FAM135B: variants seen among roughly 807,000 people sequenced by gnomAD.
FAM135B encodes protein FAM135B.
FAM135B carries 43 observed loss-of-function variants against 127.7 expected under a neutral mutation model. That is an observed-to-expected ratio of 0.34 (90% confidence interval 0.26 to 0.43). The LOEUF is 0.43. FAM135B is among the 20% of genes least tolerant of loss of function. The probability of loss-of-function intolerance (pLI) is 1.00; values close to 1 mark genes in which losing one functional copy is unlikely to be tolerated. For missense variants in FAM135B, 1,558 were observed against 1,725.6 expected (o/e 0.90, Z 1.72); for synonymous variants, 670 against 665.1 (o/e 1.01, Z -0.11).
chr8:138,241,758 C>T lies in FAM135B; in HGVS notation c.669+1184G>A, dbSNP rs370029039. Among the ~76,000 whole-genome samples, 1 of 152,122 alleles carries T rather than the reference C, an allele frequency of 6.6e-6. No individual in the cohort carries two copies. The highest frequency in any genetic ancestry group is 1.9e-4 in the East Asian group (1 of 5,186). On this transcript the variant is annotated intron_variant, in intron 7 of 19. Coordinates refer to ENST00000395297, the MANE Select transcript of FAM135B (RefSeq NM_015912.4). The surrounding 1 kb of genome is among the most constrained non-coding windows in gnomAD (Gnocchi z 4.8). ...TAATGTGACAGTTACTTTTACGTGT[C>T]ATCTTACTTGGGCCACAAGGTGCCC...
At chr8:138,154,476 C>T (rs867652472) in intron 12 of FAM135B, among the ~76,000 whole-genome samples, 36 of 152,148 alleles carry the variant, frequency 2.4e-4, no homozygotes, top group South Asian at 8.3e-4. Context: ...TTCAGATGAT[C>T]GGTAATAACA....
intron 7 of FAM135B, among the ~76,000 whole-genome samples, chr8:138,222,483 A>T (rs1272632341): frequency 6.6e-6 from 1 of 152,192 alleles, no homozygotes; most frequent in African/African-American, 2.4e-5. Context: ...TGATTCACAC[A>T]GTCCATTGAA....
At chr8:138,385,950 G>C (rs1194191090) in intron 1 of FAM135B, among the ~76,000 whole-genome samples, 1 of 152,064 alleles carries the variant, frequency 6.6e-6, no homozygotes, top group African/African-American at 2.4e-5. Flanking sequence ...AGCCAGGCAC[G>C]TGGCTCATGC....
intron 12 of FAM135B, among the ~76,000 whole-genome samples, chr8:138,166,208 A>G (rs1819905679): frequency 6.6e-6 from 1 of 152,242 alleles, no homozygotes; most frequent in African/African-American, 2.4e-5. Context: ...TAAAACACCC[A>G]AAACCTCCAG....
At chr8:138,412,168 G>A (rs1369282684) in intron 1 of FAM135B, among the ~76,000 whole-genome samples, 1 of 152,108 alleles carries the variant, frequency 6.6e-6, no homozygotes, top group African/African-American at 2.4e-5. Flanking sequence ...TCAGCATCAT[G>A]CAATATACTC....
At chr8:138,255,271 A>G (rs1257872585) in intron 5 of FAM135B, among the ~76,000 whole-genome samples, 1 of 152,138 alleles carries the variant, frequency 6.6e-6, no homozygotes, top group African/African-American at 2.4e-5. Flanking sequence ...CCCATTCTCC[A>G]AAGGAAAAGG....
intron 11 of FAM135B, among the ~76,000 whole-genome samples, chr8:138,172,176 T>G (rs1820521413): frequency 6.6e-6 from 1 of 152,108 alleles, no homozygotes; most frequent in South Asian, 2.1e-4. Flanking sequence ...GAATGTGGAG[T>G]TGGAGTTGGA....
chr8:138,458,709 G>A (rs1836944129), intron 1 of FAM135B, among the ~76,000 whole-genome samples: 1 of 152,128 alleles, frequency 6.6e-6, no homozygotes, highest in African/African-American at 2.4e-5. Context: ...AAGCAGGGGT[G>A]AGTAGTTGAG....
intron 1 of FAM135B, among the ~76,000 whole-genome samples, chr8:138,446,798 G>A (rs1376922885): frequency 2.0e-5 from 3 of 151,698 alleles, no homozygotes; most frequent in Admixed American, 6.6e-5. Flanking sequence ...AGCCAAAATT[G>A]ACAAATGGGA....
rs1293250234 is a variant in FAM135B at position 138,242,079 on chromosome 8, T to C, written c.669+863A>G. ...TGGACTGGAATGATACCACCTGCAC[T>C]CTTGGGTCTCCAGCTTGCTGACTGA... On this transcript the variant is annotated intron_variant, in intron 7 of 19. Transcript: ENST00000395297. This position sits in a 1 kb window ranked among gnomAD's most constrained non-coding sequence, Gnocchi z 9.6. Among the ~76,000 whole-genome samples, 1 of 152,042 alleles carries C rather than the reference T, an allele frequency of 6.6e-6. No individual in the cohort carries two copies. Among genetic ancestry groups the C allele is most frequent in the Non-Finnish European group, 1.5e-5 (1 of 68,030 alleles).
At chr8:138,220,460 C>T (rs146950349) in intron 7 of FAM135B, among the ~76,000 whole-genome samples, 356 of 152,264 alleles carry the variant, frequency 2.3e-3, no homozygotes, top group Non-Finnish European at 3.2e-3. Flanking sequence ...GTGTCCTGCA[C>T]GACTGCTTAC....
intron 4 of FAM135B, among the ~76,000 whole-genome samples, chr8:138,259,100 T>G (rs1256508357): frequency 1.3e-5 from 2 of 152,164 alleles, no homozygotes; most frequent in African/African-American, 2.4e-5. Context: ...CTCCCTGTGG[T>G]AAAGGCATTT....
chr8:138,446,435 T>C (rs1587475538), intron 1 of FAM135B, among the ~76,000 whole-genome samples: 1 of 152,140 alleles, frequency 6.6e-6, no homozygotes, highest in South Asian at 2.1e-4. Context: ...CAAAACAGCA[T>C]GGTACTGGTA....
rs780463838 is a variant in FAM135B, at chr8:138,195,357, C to A, written c.824-50G>T. 17 of 1,564,198 alleles carry A rather than the reference C, an allele frequency of 1.1e-5. No individual in the cohort carries two copies. In the South Asian group the frequency reaches 1.9e-4, roughly 18 times the overall value. ...GATTAAATGAACCCACACTGAAATG[C>A]AGCAGTTGCTAATTAAATGAAAAAG... On this transcript the variant is annotated intron_variant, in intron 8 of 19. Coordinates refer to ENST00000395297, the MANE Select transcript of FAM135B (RefSeq NM_015912.4).
chr8:138,358,946 G>C (rs1830250328), intron 2 of FAM135B, among the ~76,000 whole-genome samples: 1 of 151,996 alleles, frequency 6.6e-6, no homozygotes. Flanking sequence ...TTATACACCT[G>C]CTGAGCCTGT....
intron 1 of FAM135B, among the ~76,000 whole-genome samples, chr8:138,479,069 G>A (rs1270040692): frequency 1.3e-5 from 2 of 152,104 alleles, no homozygotes; most frequent in African/African-American, 2.4e-5. Flanking sequence ...CTACTTACAT[G>A]TATCACTTTA....
intron 2 of FAM135B, among the ~76,000 whole-genome samples, chr8:138,347,872 C>T (rs907709373): frequency 6.6e-6 from 1 of 152,042 alleles, no homozygotes; most frequent in African/African-American, 2.4e-5. Context: ...GTTCCCTTAC[C>T]TACAAAACGG....
Position 138,387,008 on chromosome 8 carries a change from G to A in FAM135B, c.-19-19006C>T, listed in dbSNP as rs138287715. 3.9e-5 allele frequency among the ~76,000 whole-genome samples: 6 copies of A among 152,250 alleles called. No individual in the cohort carries two copies. The East Asian group carries it at 7.7e-4, about 20-fold the overall frequency. On this transcript the variant is annotated intron_variant, in intron 1 of 19. Coordinates refer to ENST00000395297, the MANE Select transcript of FAM135B (RefSeq NM_015912.4). ...TTTCTTCATCTCTTGAAGGTATAGA[G>A]GGACACAGGGACTGCCCCACAGGAC... is the stretch of plus-strand genomic sequence containing the variant.
At chr8:138,235,298 G>T (rs1586843281) in intron 7 of FAM135B, among the ~76,000 whole-genome samples, 1 of 149,746 alleles carries the variant, frequency 6.7e-6, no homozygotes, top group Admixed American at 6.6e-5. Flanking sequence ...ATGAAGACTT[G>T]TCATTTCCAT....
Sources: gnomAD v4.1 joint callset for allele counts (sites outside exome capture counted in the v4.1 genomes callset) on GRCh38, gnomAD v4.1.1 for gene constraint, Gnocchi (gnomAD v3.1) non-coding constraint, MANE v1.5 for transcripts, NCBI Gene and HGNC (gene_info 2026-07-23, HGNC 2026-07-21) for gene names.